Variants in TLCD3B observed in about 807,000 individuals in gnomAD.
TLCD3B encodes the protein ceramide synthase.
Under a neutral mutation model 23.0 loss-of-function variants are expected in TLCD3B, and 9 were observed. The ratio of observed to expected loss-of-function variants is 0.39; its 90% CI spans 0.24 to 0.68. TLCD3B has a LOEUF of 0.68. TLCD3B is among the 30% of genes least tolerant of loss of function. The pLI is 0.44. For synonymous variants in TLCD3B, 161 were observed against 161.0 expected, an observed-to-expected ratio of 1.00 and a Z score of 0.00; for missense variants, 307 against 371.8, an observed-to-expected ratio of 0.83 and a Z score of 1.43.
intron 1 of TLCD3B, among the ~76,000 whole-genome samples, chr16:30,049,445 C>T (rs2071717759): frequency 6.6e-6 from 1 of 152,142 alleles, no homozygotes; most frequent in African/African-American, 2.4e-5. Flanking sequence ...CTCTGATCTC[C>T]CACCCACCCC....
chr16:30,049,787 T>C (rs1359286507), intron 1 of TLCD3B, among the ~76,000 whole-genome samples: 2 of 152,100 alleles, frequency 1.3e-5, no homozygotes, highest in African/African-American at 4.8e-5. Flanking sequence ...TAGCCGGGCA[T>C]GGTGGCATGC....
rs532531537 is a variant in TLCD3B, at chr16:30,044,846, G to A, written c.-229+1477C>T. The stretch of plus-strand genomic sequence containing the variant: ...CTGTAATCCCAGCACTTTGGAGGCC[G>A]GCGGGCGGCGGGGGGGTGCGGATTA... On this transcript the variant is annotated intron_variant, in intron 2 of 6. Coordinates refer to the TLCD3B transcript ENST00000561666. Among the ~76,000 whole-genome samples, 23 of 152,132 alleles carry A rather than the reference G, an allele frequency of 1.5e-4. No homozygotes were observed. In the East Asian group the frequency reaches 1.5e-3, roughly 10 times the overall value.
upstream of TLCD3B, among the ~76,000 whole-genome samples, chr16:30,031,891 G>A (rs1179575639): frequency 1.3e-5 from 2 of 152,174 alleles, no homozygotes; most frequent in Non-Finnish European, 2.9e-5. Flanking sequence ...GCGTTGGAGG[G>A]GCAAGGAGTG....
chr16:30,036,461 G>A, intron 3 of TLCD3B: 4 of 1,218,708 alleles, frequency 3.3e-6, no homozygotes, highest in Non-Finnish European at 4.2e-6. Context: ...AGGGAACCAG[G>A]TCCTGCCATC....
chr16:30,030,305 T>C lies in TLCD3B; in HGVS notation c.125+98A>G, dbSNP rs2071315300. ...CCCGGACCCCCACAGGAGCTCCCAG[T>C]CCCCCACCGCTGAGGGTCCAGAGAA... On this transcript the variant is annotated intron_variant, in intron 1 of 4. Transcript: ENST00000380495. 2.3e-6 allele frequency: 3 copies of C among 1,287,038 alleles called. No homozygotes were observed. The African/African-American group carries it at 4.4e-5, about 19-fold the overall frequency. The allele number at this position is 1,287,038 out of a possible 1,614,324, so 79.7% of individuals were successfully genotyped here.
rs758050776 is a variant in TLCD3B at position 30,025,870 on chromosome 16, T to C, written c.445-49A>G. 1.4e-6 allele frequency: 2 copies of C among 1,464,578 alleles called. No individual in the cohort carries two copies. The highest frequency in any genetic ancestry group is 1.4e-5 in the African/African-American group (1 of 71,830). The allele number at this position is 1,464,578 out of a possible 1,614,324, so 90.7% of individuals were successfully genotyped here. On this transcript the variant is annotated intron_variant, in intron 3 of 4. Coordinates refer to ENST00000380495, the MANE Select transcript of TLCD3B (RefSeq NM_031478.6). The surrounding 1 kb of genome is among the most constrained non-coding windows in gnomAD (Gnocchi z 4.1). The stretch of plus-strand genomic sequence containing the variant: ...AGGAGCTGGGGCTCTCCCTGGGTTC[T>C]TGGGCAGCCCCCGCCCTTCCTCTTT...
At chr16:30,037,633 C>T (rs1157882484) in intron 3 of TLCD3B, among the ~76,000 whole-genome samples, 2 of 151,080 alleles carry the variant, frequency 1.3e-5, no homozygotes, top group African/African-American at 2.4e-5. Flanking sequence ...AAGGATGAGG[C>T]GAAAGAATGG....
chr16:30,024,674 G>T lies in TLCD3B; in HGVS notation c.*509C>A, dbSNP rs1403846389. On this transcript the variant is annotated 3_prime_UTR_variant, in exon 5 of 5. Transcript: ENST00000380495. The stretch of plus-strand genomic sequence containing the variant: ...ACCCAACAGACTAGTTCAAATTTGG[G>T]TAAATAAATAAAATAAATAAGATTC... 1 of 193,622 alleles carries T rather than the reference G, an allele frequency of 5.2e-6. No homozygotes were observed. Among genetic ancestry groups the T allele is most frequent in the African/African-American group, 2.3e-5 (1 of 42,702 alleles). The allele number at this position is 193,622 out of a possible 1,614,324, so 12.0% of individuals were successfully genotyped here.
chr16:30,037,404 G>A (rs1356374032), intron 3 of TLCD3B, among the ~76,000 whole-genome samples: 3 of 151,964 alleles, frequency 2.0e-5, no homozygotes, highest in East Asian at 1.9e-4. Flanking sequence ...TTAGCCAGGC[G>A]CGTTGGCGGG....
chr16:30,035,010 C>A (rs1451561853), upstream of TLCD3B, among the ~76,000 whole-genome samples: 1 of 151,632 alleles, frequency 6.6e-6, no homozygotes, highest in African/African-American at 2.4e-5. Flanking sequence ...CTCCCGAGTT[C>A]ATGTGATTCC....
chr16:30,027,461 C>T (rs2071198529), intron 2 of TLCD3B: 1 of 420,962 alleles, frequency 2.4e-6, no homozygotes, highest in Admixed American at 2.6e-5. Flanking sequence ...GGCTCCACAG[C>T]CCTCACTGTC....
intron 2 of TLCD3B, 132 bp from the exon 3 acceptor site, chr16:30,026,975 G>T: frequency 2.6e-6 from 2 of 772,098 alleles, no homozygotes; most frequent in Non-Finnish European, 4.4e-6. Flanking sequence ...GGATCCAGAG[G>T]GTAGAGGGTG....
intron 2 of TLCD3B, among the ~76,000 whole-genome samples, chr16:30,043,412 C>T (rs2071609042): frequency 6.6e-6 from 1 of 151,660 alleles, no homozygotes; most frequent in Admixed American, 6.6e-5. Context: ...GTTTTTCCTA[C>T]AGATGGGGGT....
Position 30,029,928 on chromosome 16 carries a change from T to G in TLCD3B, c.126-413A>C. On this transcript the variant is annotated intron_variant, in intron 1 of 4. Transcript: ENST00000380495. The surrounding 1 kb of genome is among the most constrained non-coding windows in gnomAD (Gnocchi z 4.6). ...CGCAGGCCTCACTCTGGACCCTTTG[T>G]GACCCCGAGTTCCCCAGTCACTTTC... The G allele has an allele frequency of 2.2e-6, 2 of 891,388 alleles. No individual in the cohort carries two copies. The highest frequency in any genetic ancestry group is 3.2e-6 in the Non-Finnish European group (2 of 615,658). The allele number at this position is 891,388 out of a possible 1,614,324, so 55.2% of individuals were successfully genotyped here.
intron 2 of TLCD3B, among the ~76,000 whole-genome samples, chr16:30,043,340 C>T (rs2071607265): frequency 6.6e-6 from 1 of 152,144 alleles, no homozygotes; most frequent in South Asian, 2.1e-4. Context: ...CCTCCTGCCT[C>T]AGCCTCCCAA....
In TLCD3B at chr16:30,039,101, C is replaced by CTAATT. The variant is rs10623783; in HGVS notation, c.-67+1893_-67+1894insAATTA. On this transcript the variant is annotated intron_variant, in intron 3 of 6. Transcript: ENST00000561666. ...ACTTATCCTTCTCCTCCTCCTTCCTCTCTTTTTTTTTTTTTTTTTTTTTTT... is the reference window on the plus strand; with the variant it reads ...ACTTATCCTTCTCCTCCTCCTTCCTCTAATTTCTTTTTTTTTTTTTTTTTTTTTTT... 5.8e-5 allele frequency among the ~76,000 whole-genome samples: 7 copies of CTAATT among 120,842 alleles called. 2 individuals are homozygous for CTAATT. Among genetic ancestry groups the CTAATT allele is most frequent in the African/African-American group, 1.3e-4 (4 of 31,398 alleles). The allele number at this position is 120,842 out of a possible 152,430, so 79.3% of individuals were successfully genotyped here.
In TLCD3B at chr16:30,026,851, G is replaced by T; in HGVS notation, c.210-8C>A. 1 of 1,612,216 alleles carries T rather than the reference G, an allele frequency of 6.2e-7. No homozygotes were observed. The highest frequency in any genetic ancestry group is 8.5e-7 in the Non-Finnish European group (1 of 1,178,670). On this transcript the variant is annotated splice_region_variant and splice_polypyrimidine_tract_variant and intron_variant, in intron 2 of 4. Transcript: ENST00000380495. Reference sequence around the variant, plus strand: ...GCAGAGGACAGCCAGTGTCTGTTGGGCAGAGAGACGGGGTGGGGGAGCAAG... The same window carrying T: ...GCAGAGGACAGCCAGTGTCTGTTGGTCAGAGAGACGGGGTGGGGGAGCAAG...
intron 2 of TLCD3B, among the ~76,000 whole-genome samples, chr16:30,041,566 C>T (rs1401098089): frequency 1.3e-5 from 2 of 151,556 alleles, no homozygotes; most frequent in South Asian, 2.1e-4. Context: ...TTGTAAAATA[C>T]AAAAAATTAG....
At chr16:30,038,631 T>A (rs2071517214) in intron 3 of TLCD3B, among the ~76,000 whole-genome samples, 1 of 152,036 alleles carries the variant, frequency 6.6e-6, no homozygotes, top group Non-Finnish European at 1.5e-5. Context: ...GTGCCTGTAA[T>A]CCCAGCTACT....
Sources: allele counts gnomAD v4.1 joint callset (sites outside exome capture counted in the v4.1 genomes callset), GRCh38; gene constraint gnomAD v4.1.1; non-coding constraint Gnocchi (gnomAD v3.1); transcripts MANE v1.5; gene names NCBI Gene and HGNC (gene_info 2026-07-23, HGNC 2026-07-21).